CALM2: variants seen among roughly 807,000 people sequenced by gnomAD.
CALM2 encodes the protein calmodulin 2, also known as calmodulin-2.
CALM2 carries 2 observed loss-of-function variants against 19.8 expected under a neutral mutation model. The ratio of observed to expected loss-of-function variants is 0.10; its 90% CI spans 0.04 to 0.32. The LOEUF is 0.32. Among genes scored for constraint, CALM2 ranks in the 10% least tolerant of loss-of-function variants. The pLI is 1.00. For synonymous variants in CALM2, 51 were observed against 52.1 expected (o/e 0.98, Z 0.09); for missense variants, 38 against 178.7 (o/e 0.21, Z 4.49).
At chr2:47,164,595 CAAA>C (rs57421631) in intron 2 of CALM2, among the ~76,000 whole-genome samples, 2 of 132,076 alleles carry the variant, frequency 1.5e-5, no homozygotes, top group Non-Finnish European at 3.4e-5. Context: ...AGACTTGTCT[CAAA>C]AAAAAAAAAA....
At chr2:47,176,412 C>CA (rs1666871200) in intron 1 of CALM2, 29 bp downstream of exon 1, 1 of 1,612,188 alleles carries the variant, frequency 6.2e-7, no homozygotes, top group Non-Finnish European at 8.5e-7. Flanking sequence ...CCCACAGGCC[C>CA]AGCGCCGGCA....
At chr2:47,173,172 T>C (rs753905807) in intron 1 of CALM2, 1 of 152,222 alleles carries the variant, frequency 6.6e-6, no homozygotes, top group Non-Finnish European at 1.5e-5. Flanking sequence ...TAAAGCCTAC[T>C]ATAAATCAAG....
At chr2:47,168,196 G>C (rs1244249157) in intron 2 of CALM2, among the ~76,000 whole-genome samples, 5 of 152,108 alleles carry the variant, frequency 3.3e-5, no homozygotes, top group Admixed American at 3.3e-4. Context: ...TAGTAGCATA[G>C]AAGTTTTGGT....
chr2:47,176,520 T>G, upstream of CALM2: 1 of 1,597,564 alleles, frequency 6.3e-7, no homozygotes, highest in Non-Finnish European at 8.5e-7. Flanking sequence ...CTAATTCGCC[T>G]CCTCCGCCCC....
In CALM2 at chr2:47,176,042, G is replaced by A. The variant is rs926510667; in HGVS notation, c.3+399C>T. ...GGCGCCCGCACTAACCGTCGGTCGG[G>A]TGGATTGAATTCGCCCCCTGCTTGA... is the stretch of plus-strand genomic sequence containing the variant. On this transcript the variant is annotated intron_variant, in intron 1 of 5. Coordinates refer to ENST00000272298, the MANE Select transcript of CALM2 (RefSeq NM_001743.6). Among the ~76,000 whole-genome samples the A allele has an allele frequency of 2.0e-5, 3 of 152,266 alleles. No homozygotes were observed. In the East Asian group the frequency reaches 5.8e-4, roughly 29 times the overall value.
intron 2 of CALM2, among the ~76,000 whole-genome samples, chr2:47,167,102 A>T (rs1192484965): frequency 6.6e-6 from 1 of 152,214 alleles, no homozygotes; most frequent in East Asian, 1.9e-4. Context: ...CTATTTCTTC[A>T]CAAAATTCTG....
At chr2:47,164,724 A>G (rs1666405754) in intron 2 of CALM2, among the ~76,000 whole-genome samples, 1 of 152,250 alleles carries the variant, frequency 6.6e-6, no homozygotes, top group South Asian at 2.1e-4. Context: ...AGACCCTATC[A>G]GCAAATGAAT....
intron 2 of CALM2, chr2:47,163,874 T>G (rs1289353781): frequency 1.3e-5 from 2 of 152,212 alleles, no homozygotes; most frequent in East Asian, 3.9e-4. Context: ...TCCTAGCACT[T>G]TGGGAGGCCA....
chr2:47,175,946 G>A (rs1666849935), intron 1 of CALM2, among the ~76,000 whole-genome samples: 1 of 151,462 alleles, frequency 6.6e-6, no homozygotes, highest in Admixed American at 6.6e-5. Flanking sequence ...GCCGACGCTC[G>A]CCCCAGGGCC....
chr2:47,165,078 CCT>C (rs961651645), intron 2 of CALM2, among the ~76,000 whole-genome samples: 5 of 152,308 alleles, frequency 3.3e-5, no homozygotes, highest in Admixed American at 1.3e-4. Flanking sequence ...ATACCAATTT[CCT>C]CTCTCCAAAC....
chr2:47,162,617 G>C lies in CALM2; in HGVS notation c.80C>G (p.Thr27Ser), dbSNP rs1345939006. The change falls in exon 3 of 6, where the codon ACT (threonine) becomes AGT (serine). Residue 27 changes from threonine to serine, a missense_variant. Transcript: ENST00000272298. The stretch of plus-strand genomic sequence containing the variant: ...AGTTCCCAATTCCTTTGTTGTTATA[G>C]TTCCATCACCATCTTTGTCAAATAG... Reference protein sequence around the residue: ...FSLFDKDGDGTITTKELGTVM... With the variant: ...FSLFDKDGDGSITTKELGTVM... 6.2e-7 allele frequency: 1 copy of C among 1,610,662 alleles called. No homozygotes were observed. The highest frequency in any genetic ancestry group is 8.5e-7 in the Non-Finnish European group (1 of 1,178,374).
At chr2:47,164,788 A>G (rs1276076076) in intron 2 of CALM2, among the ~76,000 whole-genome samples, 1 of 152,200 alleles carries the variant, frequency 6.6e-6, no homozygotes, top group Non-Finnish European at 1.5e-5. Context: ...ATAGCCATAC[A>G]TTTGAAAATT....
At chr2:47,174,602 G>A (rs1341375891) in intron 1 of CALM2, among the ~76,000 whole-genome samples, 2 of 151,670 alleles carry the variant, frequency 1.3e-5, no homozygotes, top group Non-Finnish European at 1.5e-5. Context: ...AACCCCCAAA[G>A]CACCAGTGAT....
intron 1 of CALM2, chr2:47,171,118 C>T (rs769516334): frequency 2.7e-5 from 5 of 184,474 alleles, no homozygotes; most frequent in Admixed American, 2.3e-4. Flanking sequence ...TTCAGGCTCA[C>T]AAAATGAAAA....
chr2:47,176,923 C>G (rs1299403584), upstream of CALM2: 1 of 985,350 alleles, frequency 1.0e-6, no homozygotes, highest in Non-Finnish European at 1.2e-6. Context: ...TCGGGCCGCG[C>G]TGTCCTGGCA....
chr2:47,166,276 T>C (rs1666467574), intron 2 of CALM2, among the ~76,000 whole-genome samples: 1 of 152,192 alleles, frequency 6.6e-6, no homozygotes, highest in Non-Finnish European at 1.5e-5. Flanking sequence ...TACAAGAAAA[T>C]TAAAGGACTT....
Sources: gnomAD v4.1 joint callset for allele counts (sites outside exome capture counted in the v4.1 genomes callset) on GRCh38, gnomAD v4.1.1 for gene constraint, MANE v1.5 for transcripts, NCBI Gene and HGNC (gene_info 2026-07-23, HGNC 2026-07-21) for gene names.